Variants in ENTREP2 observed in about 807,000 individuals in gnomAD.
ENTREP2 encodes protein ENTREP2.
the ENTREP2 span, among the ~76,000 whole-genome samples, chr15:29,643,913 T>C: frequency 1.3e-5 from 2 of 152,076 alleles, no homozygotes; most frequent in Admixed American, 6.6e-5. Context: ...GGTTACCATA[T>C]ACCCCAGTAA....
chr15:29,629,013 G>C, the ENTREP2 span, among the ~76,000 whole-genome samples: 1 of 152,176 alleles, frequency 6.6e-6, no homozygotes, highest in African/African-American at 2.4e-5. Context: ...GCCTCCCAGA[G>C]TGCTGGGATT....
the ENTREP2 span, among the ~76,000 whole-genome samples, chr15:29,157,571 G>C: frequency 2.0e-5 from 3 of 152,302 alleles, no homozygotes; most frequent in Non-Finnish European, 4.4e-5. Flanking sequence ...AATGTCTTAA[G>C]GCTCAGCCAG....
At chr15:29,339,645 T>C in the ENTREP2 span, among the ~76,000 whole-genome samples, 2 of 152,338 alleles carry the variant, frequency 1.3e-5, no homozygotes, top group East Asian at 3.9e-4. Flanking sequence ...AGCACTCCAA[T>C]TTACGTACAA....
chr15:29,630,374 C>T, the ENTREP2 span, among the ~76,000 whole-genome samples: 1 of 152,088 alleles, frequency 6.6e-6, no homozygotes, highest in Non-Finnish European at 1.5e-5. Flanking sequence ...TTCATCGTTT[C>T]TTTCTAGCTG....
At chr15:29,269,330 G>C in the ENTREP2 span, 4 of 1,614,044 alleles carry the variant, frequency 2.5e-6, no homozygotes, top group Non-Finnish European at 3.4e-6. Flanking sequence ...CGTTTGAAGA[G>C]GTCGGGGAAG....
the ENTREP2 span, among the ~76,000 whole-genome samples, chr15:29,422,129 G>A: frequency 6.6e-6 from 1 of 152,132 alleles, no homozygotes; most frequent in East Asian, 1.9e-4. Context: ...ATTTAGCCAT[G>A]CATGGTGGTG....
the ENTREP2 span, among the ~76,000 whole-genome samples, chr15:29,337,107 A>G: frequency 6.6e-6 from 1 of 152,202 alleles, no homozygotes; most frequent in Non-Finnish European, 1.5e-5. Flanking sequence ...ATGTGTGGCA[A>G]GGAAAATTAA....
the ENTREP2 span, among the ~76,000 whole-genome samples, chr15:29,247,651 G>A: frequency 2.6e-5 from 4 of 152,142 alleles, no homozygotes; most frequent in African/African-American, 9.7e-5. Context: ...GTTGATATTG[G>A]TTGTTTCTTC....
At chr15:29,607,483 T>C in the ENTREP2 span, among the ~76,000 whole-genome samples, 6 of 152,150 alleles carry the variant, frequency 3.9e-5, no homozygotes, top group African/African-American at 1.4e-4. Context: ...GTTCTACTTT[T>C]TTCCTGAGTT....
chr15:29,413,313 G>A, the ENTREP2 span, among the ~76,000 whole-genome samples: 1 of 152,060 alleles, frequency 6.6e-6, no homozygotes, highest in African/African-American at 2.4e-5. Context: ...TTAATTTTCT[G>A]TCTGATAGAT....
the ENTREP2 span, among the ~76,000 whole-genome samples, chr15:29,168,716 G>T: frequency 6.6e-6 from 1 of 152,302 alleles, no homozygotes; most frequent in African/African-American, 2.4e-5. Context: ...TTTTGGCCTT[G>T]CTTTGGCCAC....
the ENTREP2 span, among the ~76,000 whole-genome samples, chr15:29,351,870 C>T: frequency 6.6e-6 from 1 of 152,050 alleles, no homozygotes; most frequent in East Asian, 1.9e-4. Flanking sequence ...AACTCTTGGT[C>T]TCAAGCTATC....
the ENTREP2 span, among the ~76,000 whole-genome samples, chr15:29,579,686 A>ATTTTTTTTT: frequency 4.3e-4 from 24 of 55,820 alleles, 1 homozygote; most frequent in African/African-American, 2.0e-3. Flanking sequence ...CACCCAGCTA[A>ATTTTTTTTT]TTTTTTTTTT....
chr15:29,325,910 A>G, the ENTREP2 span, among the ~76,000 whole-genome samples: 3 of 152,186 alleles, frequency 2.0e-5, no homozygotes, highest in Non-Finnish European at 2.9e-5. Flanking sequence ...GGGATTTATT[A>G]TAAGTATGCA....
At chr15:29,668,545 T>C in the ENTREP2 span, among the ~76,000 whole-genome samples, 1 of 152,216 alleles carries the variant, frequency 6.6e-6, no homozygotes, top group Non-Finnish European at 1.5e-5. Context: ...GAACATGTTG[T>C]GGTATATATC....
At chr15:29,560,550 G>A in the ENTREP2 span, among the ~76,000 whole-genome samples, 1 of 152,072 alleles carries the variant, frequency 6.6e-6, no homozygotes, top group African/African-American at 2.4e-5. Flanking sequence ...CCTTGCAGGG[G>A]CACTCACTGC....
chr15:29,165,282 A>C, the ENTREP2 span, among the ~76,000 whole-genome samples: 1 of 152,068 alleles, frequency 6.6e-6, no homozygotes, highest in East Asian at 1.9e-4. Flanking sequence ...AACAAGAAAA[A>C]CCAAACCCAA....
the ENTREP2 span, chr15:29,128,756 C>A: frequency 1.3e-6 from 2 of 1,502,866 alleles, no homozygotes; most frequent in Admixed American, 2.0e-5. Flanking sequence ...AACAGGAACA[C>A]CCCACTTCAG....
At chr15:29,442,587 C>T in the ENTREP2 span, among the ~76,000 whole-genome samples, 60 of 152,154 alleles carry the variant, frequency 3.9e-4, no homozygotes, top group African/African-American at 1.4e-3. Context: ...GGGAAGCCCC[C>T]ATCAGGGCAC....
Sources: gnomAD v4.1 joint callset for allele counts (sites outside exome capture counted in the v4.1 genomes callset) on GRCh38, gnomAD v4.1.1 for gene constraint, MANE v1.5 for transcripts, NCBI Gene and HGNC (gene_info 2026-07-23, HGNC 2026-07-21) for gene names.